COL23A1: variants seen among roughly 807,000 people sequenced by gnomAD.
COL23A1 encodes the protein collagen type XXIII alpha 1 chain, also known as collagen alpha-1(XXIII) chain.
Under a neutral mutation model 99.3 loss-of-function variants are expected in COL23A1, and 97 were observed. That is an observed-to-expected ratio of 0.98 (90% confidence interval 0.83 to 1.16). The LOEUF (loss-of-function observed/expected upper bound fraction) is 1.16. Ranked by LOEUF, COL23A1 falls within the 50% of genes most tolerant of loss-of-function variation. COL23A1 has a pLI of 0.00. For missense variants in COL23A1, 762 were observed against 757.4 expected (o/e 1.01, Z -0.07); for synonymous variants, 320 against 308.2 (o/e 1.04, Z -0.40).
intron 3 of COL23A1, among the ~76,000 whole-genome samples, chr5:178,293,058 G>A (rs1461516357): frequency 6.6e-6 from 1 of 152,020 alleles, no homozygotes. Context: ...GAGAGAAGGG[G>A]GTTGAGGGAT....
intron 2 of COL23A1, among the ~76,000 whole-genome samples, chr5:178,483,423 T>A (rs1757445898): frequency 6.6e-6 from 1 of 152,142 alleles, no homozygotes; most frequent in African/African-American, 2.4e-5. Context: ...GGGAATCCAC[T>A]CGCCCTCAAG....
intron 2 of COL23A1, among the ~76,000 whole-genome samples, chr5:178,441,970 G>C (rs551519263): frequency 6.6e-6 from 1 of 152,152 alleles, no homozygotes; most frequent in Non-Finnish European, 1.5e-5. Flanking sequence ...AGTGGCTCAT[G>C]CCTCAGTTTC....
In COL23A1 at chr5:178,270,322, C is replaced by T; in HGVS notation, c.468+15G>A. The T allele has an allele frequency of 6.2e-7, 1 of 1,613,872 alleles. No homozygotes were observed. ...CCAGCCCAGGACCCCCTGGAATTGC[C>T]CTGTCATCACTTACGGGCTTGCCAT... On this transcript the variant is annotated intron_variant, in intron 6 of 28. Coordinates refer to ENST00000390654, the MANE Select transcript of COL23A1 (RefSeq NM_173465.4).
chr5:178,323,841 G>A (rs1759484731), intron 2 of COL23A1, among the ~76,000 whole-genome samples: 2 of 152,290 alleles, frequency 1.3e-5, no homozygotes, highest in South Asian at 4.1e-4. Context: ...CCTGCCAGGA[G>A]GTAGCATCAA....
chr5:178,530,077 C>T (rs927717884), intron 2 of COL23A1, among the ~76,000 whole-genome samples: 2 of 152,156 alleles, frequency 1.3e-5, no homozygotes, highest in African/African-American at 2.4e-5. Flanking sequence ...TGAAAATCAG[C>T]GTGAAGGAAT....
intron 27 of COL23A1, among the ~76,000 whole-genome samples, chr5:178,239,653 C>G (rs4045769): frequency 3.8e-4 from 8 of 21,310 alleles, no homozygotes; most frequent in African/African-American, 7.2e-4. Flanking sequence ...TGATGTGACA[C>G]TGACTCTGGC....
At chr5:178,491,002 A>G (rs1757901936) in intron 2 of COL23A1, among the ~76,000 whole-genome samples, 1 of 151,296 alleles carries the variant, frequency 6.6e-6, no homozygotes, top group Non-Finnish European at 1.5e-5. Flanking sequence ...GCTTGAGGGG[A>G]GTGGGGAGAG....
chr5:178,317,789 G>A (rs141501861), intron 2 of COL23A1, among the ~76,000 whole-genome samples: 158 of 152,288 alleles, frequency 1.0e-3, no homozygotes, highest in Middle Eastern at 6.8e-3. Flanking sequence ...AGAAAGAGAG[G>A]GTTAATGGAC....
chr5:178,305,828 A>G (rs1758322053), intron 3 of COL23A1, among the ~76,000 whole-genome samples: 1 of 151,894 alleles, frequency 6.6e-6, no homozygotes, highest in Admixed American at 6.6e-5. Context: ...AGACATGGAG[A>G]AGGAGGCTCA....
intron 16 of COL23A1, among the ~76,000 whole-genome samples, chr5:178,253,890 G>T (rs941322969): frequency 6.6e-6 from 1 of 152,116 alleles, no homozygotes; most frequent in Admixed American, 6.5e-5. Flanking sequence ...CTGGCTGGGC[G>T]TGGTGGCTCA....
intron 1 of COL23A1, among the ~76,000 whole-genome samples, chr5:178,568,095 C>T (rs943915545): frequency 1.3e-5 from 2 of 152,222 alleles, no homozygotes; most frequent in African/African-American, 4.8e-5. Flanking sequence ...CAATCCACCT[C>T]AGTGGTATTC....
intron 1 of COL23A1, among the ~76,000 whole-genome samples, chr5:178,579,669 G>A: frequency 6.6e-6 from 1 of 152,072 alleles, no homozygotes; most frequent in East Asian, 1.9e-4. Context: ...TGCCAGGCTG[G>A]TCTCGAACTC....
intron 2 of COL23A1, among the ~76,000 whole-genome samples, chr5:178,496,702 C>T (rs991595659): frequency 7.9e-5 from 12 of 152,016 alleles, no homozygotes; most frequent in Admixed American, 1.3e-4. Context: ...AAGGACTAAA[C>T]AAGCCAATAT....
intron 5 of COL23A1, among the ~76,000 whole-genome samples, chr5:178,279,296 C>G (rs1305581167): frequency 6.6e-6 from 1 of 152,212 alleles, no homozygotes; most frequent in Non-Finnish European, 1.5e-5. Flanking sequence ...CACTTATGGA[C>G]TCACTGCTCT....
chr5:178,288,313 TGACAAA>T lies in COL23A1; in HGVS notation c.441+5_441+10del. 6 of 1,604,862 alleles carry T rather than the reference TGACAAA, an allele frequency of 3.7e-6. No individual in the cohort carries two copies. The highest frequency in any genetic ancestry group is 1.7e-5 in the Admixed American group (1 of 60,002). On this transcript the variant is annotated splice_donor_5th_base_variant and intron_variant, in intron 5 of 28. Transcript: ENST00000390654. ...AGGGTGAAGAGAGCAAAAAAATAAA[TGACAAA>T]TTACCGGGTAGCCATCTCGTCCTGA...
intron 1 of COL23A1, among the ~76,000 whole-genome samples, chr5:178,587,495 G>T (rs2113766639): frequency 1.3e-5 from 2 of 152,264 alleles, no homozygotes; most frequent in South Asian, 4.1e-4. Flanking sequence ...TGGTTGGCAA[G>T]GATGTCTTTT....
chr5:178,344,981 G>A, intron 2 of COL23A1: 1 of 588,530 alleles, frequency 1.7e-6, no homozygotes, highest in South Asian at 1.5e-5. Flanking sequence ...GGTGAAAAAG[G>A]AACCTATTGC....
intron 2 of COL23A1, among the ~76,000 whole-genome samples, chr5:178,449,564 A>G (rs1767368132): frequency 6.8e-6 from 1 of 147,496 alleles, no homozygotes; most frequent in Admixed American, 6.7e-5. Flanking sequence ...AAATGAAGGC[A>G]TTAAAAATAA....
chr5:178,550,808 C>T lies in COL23A1; in HGVS notation c.361+9874G>A, dbSNP rs923494265. On this transcript the variant is annotated intron_variant, in intron 2 of 28. Transcript: ENST00000390654. ...TGCACCTGTCACTCAATAGTTGGCA[C>T]GGAGTTGGCCAAGCTGGGGTCAAGA... 1.1e-4 allele frequency among the ~76,000 whole-genome samples: 17 copies of T among 152,284 alleles called. 1 individual carries two copies. The highest frequency in any genetic ancestry group is 9.2e-4 in the Admixed American group (14 of 15,286).
Sources: allele counts gnomAD v4.1 joint callset (sites outside exome capture counted in the v4.1 genomes callset), GRCh38; gene constraint gnomAD v4.1.1; transcripts MANE v1.5; gene names NCBI Gene and HGNC (gene_info 2026-07-23, HGNC 2026-07-21).